CUX1: variants seen among roughly 807,000 people sequenced by gnomAD.
CUX1 encodes the protein protein CASP.
In CUX1, 31 loss-of-function variants were observed where a neutral mutation model predicts 158.8. That is an observed-to-expected ratio of 0.20 (90% CI 0.15 to 0.26). CUX1 has a LOEUF of 0.26. CUX1 is among the 10% of genes least tolerant of loss of function. The pLI, the probability that CUX1 is intolerant of heterozygous loss-of-function variation, is 1.00. For missense variants in CUX1, 1,589 were observed against 2,014.6 expected, an observed-to-expected ratio of 0.79 and a Z score of 4.04; for synonymous variants, 879 against 862.1, an observed-to-expected ratio of 1.02 and a Z score of -0.34.
intron 20 of CUX1, among the ~76,000 whole-genome samples, chr7:102,222,003 A>G (rs1797855654): frequency 6.6e-6 from 1 of 152,132 alleles, no homozygotes; most frequent in Non-Finnish European, 1.5e-5. Context: ...TCATGCCTGT[A>G]ATCCCAGCAC....
chr7:102,156,062 G>GCATC (rs1377984754), intron 8 of CUX1, among the ~76,000 whole-genome samples: 1 of 152,118 alleles, frequency 6.6e-6, no homozygotes, highest in Non-Finnish European at 1.5e-5. Context: ...CGATCACAAG[G>GCATC]CATCTGTTAC....
chr7:102,154,177 C>T (rs957682648), intron 8 of CUX1: 5 of 152,064 alleles, frequency 3.3e-5, no homozygotes, highest in African/African-American at 9.6e-5. Flanking sequence ...AAAGAATCAA[C>T]ACAAGCCTGG....
chr7:101,890,435 C>T (rs1288526194), intron 1 of CUX1, among the ~76,000 whole-genome samples: 4 of 152,036 alleles, frequency 2.6e-5, no homozygotes, highest in South Asian at 2.1e-4. Flanking sequence ...CCTCCACCCC[C>T]GCCTTGGGTC....
At position 102,255,304 on chromosome 7, in the gene CUX1, G is replaced by A; in HGVS notation, c.*6262G>A. The A allele has an allele frequency of 1.0e-6, 1 of 983,450 alleles. No individual in the cohort carries two copies. Among genetic ancestry groups the A allele is most frequent in the Non-Finnish European group, 1.2e-6 (1 of 829,810 alleles). The allele number at this position is 983,450 out of a possible 1,614,324, so 60.9% of individuals were successfully genotyped here. ...TCATTTTTGGATGAAGTGACATTTA[G>A]CTTTAACAAGACATTTCCAAAGCGC... On this transcript the variant is annotated 3_prime_UTR_variant, in exon 24 of 24. Coordinates refer to ENST00000292535, the MANE Select transcript of CUX1 (RefSeq NM_181552.4).
At chr7:102,134,252 G>A (rs1489491412) in intron 8 of CUX1, among the ~76,000 whole-genome samples, 16 of 152,234 alleles carry the variant, frequency 1.1e-4, no homozygotes, top group African/African-American at 1.9e-4. Context: ...CAGGAGAATC[G>A]CTTGAACCCG....
chr7:101,833,951 T>C (rs1188871053), intron 1 of CUX1, among the ~76,000 whole-genome samples: 2 of 152,068 alleles, frequency 1.3e-5, no homozygotes, highest in Non-Finnish European at 2.9e-5. Context: ...TTCACACGAG[T>C]ACCGAGTAGG....
chr7:101,908,027 A>G (rs759358421), intron 1 of CUX1, among the ~76,000 whole-genome samples: 7 of 152,156 alleles, frequency 4.6e-5, no homozygotes, highest in Non-Finnish European at 7.3e-5. Context: ...TACCAAAGGT[A>G]CCCAAGTGTA....
intron 1 of CUX1, among the ~76,000 whole-genome samples, chr7:101,844,189 C>A (rs1361980289): frequency 6.7e-6 from 1 of 149,214 alleles, no homozygotes; most frequent in African/African-American, 2.5e-5. Flanking sequence ...TCCCCGCCCC[C>A]GCCCCCGCCC....
At chr7:102,267,087 C>T (rs1265253849) in intron 14 of CUX1, among the ~76,000 whole-genome samples, 1 of 151,944 alleles carries the variant, frequency 6.6e-6, no homozygotes, top group African/African-American at 2.4e-5. Context: ...TGGGGGGGCT[C>T]AGTGGTCACC....
At position 101,916,117 on chromosome 7, in the gene CUX1, A is replaced by C; in HGVS notation, c.33A>C (p.Arg11Ser). 2.5e-6 allele frequency: 4 copies of C among 1,609,912 alleles called. No homozygotes were observed. The highest frequency in any genetic ancestry group is 3.4e-6 in the Non-Finnish European group (4 of 1,176,362). Reference protein sequence around the residue: MLCVAGARLKRELDATATVLA... With the variant: MLCVAGARLKSELDATATVLA... The stretch of plus-strand genomic sequence containing the variant: ...TTCCTTTCCTGTTTCCCCAACAGAG[A>C]GAACTCGATGCCACCGCAACGGTAT... The change falls in exon 2 of 24, where the codon AGA becomes AGC. Residue 11 changes from arginine (R) to serine (S), a missense_variant and splice_region_variant. Arg to Ser is a moderately radical substitution (Grantham distance 110). Coordinates refer to ENST00000292535, the MANE Select transcript of CUX1 (RefSeq NM_181552.4). The surrounding 1 kb of genome is among the most constrained non-coding windows in gnomAD (Gnocchi z 4.4).
rs2129332920 is a variant in CUX1 at position 102,028,021 on chromosome 7, T to C, written c.142-77T>C. 2.6e-6 allele frequency: 4 copies of C among 1,513,552 alleles called. No individual in the cohort carries two copies. The South Asian group carries it at 3.4e-5, about 13-fold the overall frequency. 93.8% of individuals were successfully genotyped at this position (1,513,552 alleles called of 1,614,324 possible). On this transcript the variant is annotated intron_variant, in intron 2 of 23. Transcript: ENST00000292535. ...ATTAGCACTGACTGCCACGCTGTTT[T>C]TAGGAGGCCTTAACCAATGTTTCCC...
chr7:102,213,346 GAC>G (rs1449832946), intron 20 of CUX1, among the ~76,000 whole-genome samples: 4 of 152,194 alleles, frequency 2.6e-5, no homozygotes, highest in African/African-American at 9.7e-5. Context: ...CCTTAAAGTG[GAC>G]ACAAAACCTT....
chr7:102,282,052 C>G, intron 21 of CUX1: 1 of 701,306 alleles, frequency 1.4e-6, no homozygotes, highest in Admixed American at 2.1e-5. Context: ...TGCGGCCATG[C>G]CTCTCCCCTT....
At chr7:102,012,795 C>A (rs1818182298) in intron 2 of CUX1, among the ~76,000 whole-genome samples, 1 of 152,072 alleles carries the variant, frequency 6.6e-6, no homozygotes, top group Non-Finnish European at 1.5e-5. Flanking sequence ...AGCAAGCATT[C>A]CCCCAGAGAA....
At chr7:102,136,230 C>T (rs1833890150) in intron 8 of CUX1, among the ~76,000 whole-genome samples, 1 of 151,942 alleles carries the variant, frequency 6.6e-6, no homozygotes, top group Admixed American at 6.6e-5. Flanking sequence ...TAGTTTTTCA[C>T]TCTAATAAGT....
rs1420077470 is a variant in CUX1, at chr7:102,248,870, C to A, written c.4346C>A (p.Ala1449Asp). ...PPPSNSSSSS[A>D]PRRPSSLQSL... ...CCCAGCAACAGCAGCAGCAGCAGCG[C>A]CCCCCGCAGGCCCAGCTCGCTGCAG... Residue 1449 changes from alanine to aspartate, a missense_variant, in exon 24 of 24, where the codon GCC (alanine) becomes GAC (aspartate). Ala to Asp is a moderately radical substitution (Grantham distance 126, BLOSUM62 -2). Around this residue, in one of 8 missense-constraint regions of CUX1, gnomAD observed 344 missense variants for 323.7 expected, o/e 1.06. Transcript: ENST00000292535. This position sits in a 1 kb window ranked among gnomAD's most constrained non-coding sequence, Gnocchi z 5.8. The A allele has an allele frequency of 2.3e-5, 30 of 1,311,930 alleles. No individual in the cohort carries two copies. In the African/African-American group the frequency reaches 3.6e-4, roughly 16 times the overall value. The allele number at this position is 1,311,930 out of a possible 1,614,324, so 81.3% of individuals were successfully genotyped here.
intron 2 of CUX1, among the ~76,000 whole-genome samples, chr7:101,952,247 G>A (rs936066483): frequency 7.9e-5 from 12 of 152,174 alleles, no homozygotes; most frequent in African/African-American, 1.4e-4. Context: ...TTAGCTAGGC[G>A]TGGTAGCATA....
At chr7:102,143,130 A>G (rs1563303506) in intron 8 of CUX1, among the ~76,000 whole-genome samples, 2 of 152,190 alleles carry the variant, frequency 1.3e-5, no homozygotes, top group African/African-American at 4.8e-5. Flanking sequence ...CGATGTCAAC[A>G]GCAGGAACTT....
At chr7:102,072,159 T>G (rs1200499025) in intron 4 of CUX1, among the ~76,000 whole-genome samples, 1 of 152,196 alleles carries the variant, frequency 6.6e-6, no homozygotes, top group East Asian at 1.9e-4. Flanking sequence ...AGATATTTAC[T>G]GAAAATGAAA....
Sources: gnomAD v4.1 joint callset for allele counts (sites outside exome capture counted in the v4.1 genomes callset) on GRCh38, gnomAD v4.1.1 for gene constraint, gnomAD v4.1.1 regional missense constraint, Gnocchi (gnomAD v3.1) non-coding constraint, MANE v1.5 for transcripts, NCBI Gene and HGNC (gene_info 2026-07-23, HGNC 2026-07-21) for gene names.